The following WWOX variants were observed in gnomAD, a reference collection of about 807,000 sequenced individuals.
The protein encoded by WWOX is WW domain-containing oxidoreductase.
In WWOX, 69 loss-of-function variants were observed where a neutral mutation model predicts 46.2. The ratio of observed to expected loss-of-function variants is 1.49; its 90% CI spans 1.23 to 1.82. The LOEUF is 1.82. Among genes scored for constraint, WWOX ranks in the 40% most tolerant of loss-of-function variants. The pLI is 0.00. For synonymous variants in WWOX, 359 were observed against 202.6 expected, an observed-to-expected ratio of 1.77 and a Z score of -6.56; for missense variants, 919 against 542.6, an observed-to-expected ratio of 1.69 and a Z score of -6.89.
At chr16:78,638,970 G>C (rs978150764) in intron 8 of WWOX, among the ~76,000 whole-genome samples, 2 of 152,092 alleles carry the variant, frequency 1.3e-5, no homozygotes, top group Admixed American at 1.3e-4. Context: ...GCTGGTAGTG[G>C]GGGCTTAATT....
intron 5 of WWOX, among the ~76,000 whole-genome samples, chr16:78,373,847 G>C (rs1405921944): frequency 6.6e-6 from 1 of 152,122 alleles, no homozygotes; most frequent in Non-Finnish European, 1.5e-5. Context: ...GAATGCAGTG[G>C]CTTGATCTCG....
At chr16:79,022,880 T>A (rs1402510639) in intron 8 of WWOX, among the ~76,000 whole-genome samples, 1 of 152,166 alleles carries the variant, frequency 6.6e-6, no homozygotes, top group Non-Finnish European at 1.5e-5. Context: ...TTGTGACCTT[T>A]CTGCAGGTTA....
intron 4 of WWOX, among the ~76,000 whole-genome samples, chr16:78,149,822 C>T (rs2034335631): frequency 6.6e-6 from 1 of 152,156 alleles, no homozygotes; most frequent in Non-Finnish European, 1.5e-5. Context: ...CTGGTTTCTC[C>T]TGCCTCCAGG....
At position 78,900,663 on chromosome 16, in the gene WWOX, A is replaced by G. The variant is rs146392764; in HGVS notation, c.1057-310945A>G. Among the ~76,000 whole-genome samples the G allele has an allele frequency of 5.3e-5, 8 of 152,280 alleles. No individual in the cohort carries two copies. The East Asian group carries it at 7.7e-4, about 15-fold the overall frequency. ...TCCTCTTTGGTTGCTTTGTAAATCT[A>G]TTACTCATCAGATCATATGTTTGGC... On this transcript the variant is annotated intron_variant, in intron 8 of 8. Transcript: ENST00000566780.
chr16:78,109,214 C>T lies in WWOX; in HGVS notation c.173-564C>T, dbSNP rs550217954. Among the ~76,000 whole-genome samples, 348 of 152,092 alleles carry T rather than the reference C, an allele frequency of 2.3e-3. 2 individuals carry two copies. The highest frequency in any genetic ancestry group is 7.8e-3 in the African/African-American group (325 of 41,480). ...TAGAAGTATAAGAAAGGGACAGGCACGGTGGCTTGTGCTTGTGATCCCAGC... is the reference window on the plus strand; with the variant it reads ...TAGAAGTATAAGAAAGGGACAGGCATGGTGGCTTGTGCTTGTGATCCCAGC... On this transcript the variant is annotated intron_variant, in intron 2 of 8. Coordinates refer to ENST00000566780, the MANE Select transcript of WWOX (RefSeq NM_016373.4).
chr16:78,133,398 C>G (rs879282843), intron 4 of WWOX, among the ~76,000 whole-genome samples: 1 of 152,168 alleles, frequency 6.6e-6, no homozygotes, highest in Non-Finnish European at 1.5e-5. Context: ...CTAGCTGGGA[C>G]AACAGGTGTG....
At chr16:78,916,174 C>A (rs897082268) in intron 8 of WWOX, among the ~76,000 whole-genome samples, 1 of 152,156 alleles carries the variant, frequency 6.6e-6, no homozygotes, top group African/African-American at 2.4e-5. Flanking sequence ...ATCCTAAACA[C>A]GCTGCACAAG....
intron 8 of WWOX, among the ~76,000 whole-genome samples, chr16:78,693,567 G>A (rs1477583174): frequency 6.6e-6 from 1 of 152,170 alleles, no homozygotes; most frequent in Non-Finnish European, 1.5e-5. Context: ...TAGTATTTCA[G>A]GTGGGGGGCC....
intron 8 of WWOX, among the ~76,000 whole-genome samples, chr16:78,988,774 G>T (rs1298809715): frequency 6.6e-6 from 1 of 152,176 alleles, no homozygotes; most frequent in Non-Finnish European, 1.5e-5. Flanking sequence ...AAGACCGGTG[G>T]CTGTAGTCTG....
chr16:78,948,582 A>C (rs113183997), intron 8 of WWOX, among the ~76,000 whole-genome samples: 10 of 151,930 alleles, frequency 6.6e-5, no homozygotes, highest in Non-Finnish European at 1.5e-4. Context: ...CTGCCTCCTC[A>C]TCCCTCTGGA....
chr16:78,987,819 A>G (rs150335012), intron 8 of WWOX, among the ~76,000 whole-genome samples: 2 of 152,190 alleles, frequency 1.3e-5, no homozygotes, highest in Non-Finnish European at 2.9e-5. Context: ...AAAAATTTCC[A>G]GCAGGACTTT....
intron 8 of WWOX, among the ~76,000 whole-genome samples, chr16:79,062,689 C>G (rs2048376716): frequency 6.6e-6 from 1 of 152,078 alleles, no homozygotes; most frequent in African/African-American, 2.4e-5. Context: ...TTTCCTATTT[C>G]CCTTGCAAGA....
intron 8 of WWOX, among the ~76,000 whole-genome samples, chr16:78,882,947 C>T (rs1018449934): frequency 2.6e-5 from 4 of 152,050 alleles, no homozygotes; most frequent in Admixed American, 1.3e-4. Context: ...CCAGCGATGT[C>T]GTAGGCTGAG....
chr16:78,183,462 C>T (rs999671328), intron 5 of WWOX, among the ~76,000 whole-genome samples: 7 of 152,216 alleles, frequency 4.6e-5, no homozygotes, highest in Non-Finnish European at 7.4e-5. Context: ...GGAATCAGCC[C>T]GGTGGAGGTT....
intron 5 of WWOX, among the ~76,000 whole-genome samples, chr16:78,310,638 G>A (rs780673862): frequency 6.6e-6 from 1 of 152,202 alleles, no homozygotes; most frequent in African/African-American, 2.4e-5. Context: ...GGCATGCTTC[G>A]TGTCAGCACA....
chr16:78,837,386 A>G (rs1411203578), intron 8 of WWOX, among the ~76,000 whole-genome samples: 1 of 152,182 alleles, frequency 6.6e-6, no homozygotes, highest in African/African-American at 2.4e-5. Flanking sequence ...GTTTTGTGTC[A>G]TTCTGTGTGA....
chr16:78,869,474 C>A (rs1242952543), intron 8 of WWOX, among the ~76,000 whole-genome samples: 1 of 152,226 alleles, frequency 6.6e-6, no homozygotes, highest in African/African-American at 2.4e-5. Flanking sequence ...ACACAGCCCT[C>A]CCTCCCAGCT....
At chr16:79,145,008 C>T (rs887472157) in intron 8 of WWOX, among the ~76,000 whole-genome samples, 4 of 152,186 alleles carry the variant, frequency 2.6e-5, no homozygotes, top group African/African-American at 9.6e-5. Flanking sequence ...GAGTATATCC[C>T]CTGTGCAGAA....
rs563328949 is a variant in WWOX, at chr16:78,685,017, T to C, written c.1056+252265T>C. Among the ~76,000 whole-genome samples, 106 of 152,318 alleles carry C rather than the reference T, an allele frequency of 7.0e-4. 2 individuals carry two copies. In the South Asian group the frequency reaches 0.022, roughly 31 times the overall value. ...GTGATTTTTATTCTGGGGTGTCCTT[T>C]GGCCACAATCCTCAGGATTATTTTT... On this transcript the variant is annotated intron_variant, in intron 8 of 8. Coordinates refer to ENST00000566780, the MANE Select transcript of WWOX (RefSeq NM_016373.4).
Sources: gnomAD v4.1 joint callset for allele counts (sites outside exome capture counted in the v4.1 genomes callset) on GRCh38, gnomAD v4.1.1 for gene constraint, MANE v1.5 for transcripts, NCBI Gene and HGNC (gene_info 2026-07-23, HGNC 2026-07-21) for gene names.